The following PDE4D variants were observed in gnomAD, a reference collection of about 807,000 sequenced individuals.
PDE4D encodes the protein 3',5'-cyclic-AMP phosphodiesterase 4D.
In PDE4D, 24 loss-of-function variants were observed where a neutral mutation model predicts 87.4. That is an observed-to-expected ratio of 0.27 (90% CI 0.20 to 0.39). The LOEUF is 0.39. Among genes scored for constraint, PDE4D ranks in the 10% least tolerant of loss-of-function variants. The pLI is 1.00. For synonymous variants in PDE4D, 384 were observed against 383.2 expected (o/e 1.00, Z -0.02); for missense variants, 714 against 1,041.0 (o/e 0.69, Z 4.32).
At chr5:58,981,216 T>C (rs1745062841) in intron 11 of PDE4D, among the ~76,000 whole-genome samples, 1 of 152,116 alleles carries the variant, frequency 6.6e-6, no homozygotes, top group African/African-American at 2.4e-5. Context: ...AAATTAACCA[T>C]TACAAATTCT....
chr5:59,038,303 T>C (rs914650454), intron 6 of PDE4D, among the ~76,000 whole-genome samples: 4 of 152,122 alleles, frequency 2.6e-5, no homozygotes, highest in African/African-American at 9.7e-5. Context: ...CTTTCCAAGA[T>C]TAATGGAAAC....
intron 1 of PDE4D, among the ~76,000 whole-genome samples, chr5:59,867,056 C>T (rs1747138798): frequency 6.6e-6 from 1 of 152,066 alleles, no homozygotes; most frequent in Admixed American, 6.6e-5. Context: ...AATTTGCAAA[C>T]TGGAAGTCAG....
chr5:60,457,685 G>C (rs1746580876), intron 1 of PDE4D, among the ~76,000 whole-genome samples: 1 of 152,174 alleles, frequency 6.6e-6, no homozygotes, highest in Non-Finnish European at 1.5e-5. Flanking sequence ...CCTAGACTCA[G>C]AGTCAGAAAG....
At chr5:59,434,648 G>T (rs1259044048) in intron 1 of PDE4D, among the ~76,000 whole-genome samples, 1 of 152,010 alleles carries the variant, frequency 6.6e-6, no homozygotes, top group Non-Finnish European at 1.5e-5. Flanking sequence ...AATTCCACTT[G>T]TAAGTTCCAT....
At chr5:60,357,963 A>G (rs1236020207) in intron 1 of PDE4D, among the ~76,000 whole-genome samples, 1 of 152,226 alleles carries the variant, frequency 6.6e-6, no homozygotes, top group Non-Finnish European at 1.5e-5. Flanking sequence ...ATACATAGTA[A>G]GTACACAGTA....
At chr5:59,388,668 C>T (rs775578004) in intron 1 of PDE4D, among the ~76,000 whole-genome samples, 56 of 150,118 alleles carry the variant, frequency 3.7e-4, no homozygotes, top group Non-Finnish European at 7.1e-4. Flanking sequence ...AGAATTCTAC[C>T]CAGCCCTGAA....
At chr5:60,414,182 T>C (rs1398985244) in intron 1 of PDE4D, among the ~76,000 whole-genome samples, 1 of 152,188 alleles carries the variant, frequency 6.6e-6, no homozygotes, top group Non-Finnish European at 1.5e-5. Flanking sequence ...GCACTAGCAG[T>C]CCTTGGTTTT....
At chr5:60,292,735 T>C (rs2149775718) in intron 1 of PDE4D, among the ~76,000 whole-genome samples, 1 of 152,226 alleles carries the variant, frequency 6.6e-6, no homozygotes. Context: ...ACAGGTCCTC[T>C]CCCCCTTCCC....
chr5:59,598,502 T>C (rs563346737), intron 1 of PDE4D, among the ~76,000 whole-genome samples: 28 of 152,208 alleles, frequency 1.8e-4, no homozygotes, highest in African/African-American at 6.7e-4. Flanking sequence ...TTAATGAAAA[T>C]ATAAATGCAC....
intron 3 of PDE4D, chr5:59,988,312 C>T (rs1762648392): frequency 4.1e-6 from 2 of 484,944 alleles, no homozygotes; most frequent in Non-Finnish European, 7.3e-6. Flanking sequence ...ACTAAAATGT[C>T]TTCTCCTGCA....
intron 1 of PDE4D, among the ~76,000 whole-genome samples, chr5:60,465,635 T>C (rs956514657): frequency 1.3e-5 from 2 of 152,214 alleles, no homozygotes; most frequent in African/African-American, 4.8e-5. Flanking sequence ...TCTGATATTA[T>C]AATTACAGAA....
chr5:59,496,139 G>A (rs905987571), intron 1 of PDE4D, among the ~76,000 whole-genome samples: 1 of 152,108 alleles, frequency 6.6e-6, no homozygotes, highest in Non-Finnish European at 1.5e-5. Flanking sequence ...CTGGAGTCCA[G>A]CCGCTCAGCA....
At chr5:59,668,766 A>G (rs1746510912) in intron 1 of PDE4D, among the ~76,000 whole-genome samples, 1 of 147,962 alleles carries the variant, frequency 6.8e-6, no homozygotes, top group African/African-American at 2.6e-5. Flanking sequence ...AAGAAGAAAG[A>G]AGAAGAAGAA....
At chr5:59,085,784 T>C (rs1417446356) in intron 5 of PDE4D, among the ~76,000 whole-genome samples, 2 of 152,200 alleles carry the variant, frequency 1.3e-5, no homozygotes, top group African/African-American at 2.4e-5. Context: ...AAGTGCTTAA[T>C]TGTACTTGAC....
At chr5:60,408,817 TAATAAATATAATATAGAA>T (rs1442890609) in intron 1 of PDE4D, among the ~76,000 whole-genome samples, 1 of 152,238 alleles carries the variant, frequency 6.6e-6, no homozygotes, top group Admixed American at 6.5e-5. Flanking sequence ...CTATGGTTCA[TAATAAATATAATATAGAA>T]AATCCTTATT....
intron 1 of PDE4D, among the ~76,000 whole-genome samples, chr5:59,661,074 T>TTATATATATA (rs3062479): frequency 0.013 from 1,799 of 139,980 alleles, 22 homozygotes; most frequent in African/African-American, 0.023. Context: ...CATGATAATA[T>TTATATATATA]TATATATATA....
At chr5:59,454,781 T>C (rs1488271365) in intron 1 of PDE4D, among the ~76,000 whole-genome samples, 2 of 152,188 alleles carry the variant, frequency 1.3e-5, no homozygotes, top group Non-Finnish European at 2.9e-5. Context: ...CTGACAGTGA[T>C]ATGAACAATA....
At chr5:59,381,902 A>G (rs1408676243) in intron 1 of PDE4D, among the ~76,000 whole-genome samples, 1 of 152,188 alleles carries the variant, frequency 6.6e-6, no homozygotes, top group Non-Finnish European at 1.5e-5. Flanking sequence ...AATTTTGCAC[A>G]ATAATAGGAG....
intron 1 of PDE4D, among the ~76,000 whole-genome samples, chr5:59,256,663 T>C (rs562940740): frequency 9.2e-5 from 14 of 152,180 alleles, no homozygotes; most frequent in Admixed American, 2.6e-4. Context: ...TTTGGATGCA[T>C]TCCTCCTTTT....
Sources: gnomAD v4.1 joint callset for allele counts (sites outside exome capture counted in the v4.1 genomes callset) on GRCh38, gnomAD v4.1.1 for gene constraint, MANE v1.5 for transcripts, NCBI Gene and HGNC (gene_info 2026-07-23, HGNC 2026-07-21) for gene names.